The following PTPRG variants were observed in gnomAD, a reference collection of about 807,000 sequenced individuals.
The protein encoded by PTPRG is protein tyrosine phosphatase receptor type G.
Under a neutral mutation model 165.3 loss-of-function variants are expected in PTPRG, and 102 were observed. The observed-to-expected ratio is 0.62, with a 90% CI of 0.53 to 0.73. The LOEUF (loss-of-function observed/expected upper bound fraction) is 0.73, where lower values mean the gene tolerates loss of function less well. Ranked by LOEUF, PTPRG falls within the 30% of genes least tolerant of loss-of-function variation. PTPRG has a pLI of 0.00. For missense variants in PTPRG, 1,866 were observed against 1,861.4 expected (o/e 1.00, Z -0.05); for synonymous variants, 675 against 669.5 (o/e 1.01, Z -0.13).
chr3:62,227,933 T>G (rs550559415), intron 13 of PTPRG, among the ~76,000 whole-genome samples: 32 of 152,328 alleles, frequency 2.1e-4, no homozygotes, highest in African/African-American at 7.2e-4. Flanking sequence ...CCGGACAATT[T>G]AGCAATGTGT....
intron 2 of PTPRG, among the ~76,000 whole-genome samples, chr3:61,961,178 A>T (rs1259013471): frequency 6.6e-6 from 1 of 152,192 alleles, no homozygotes; most frequent in Non-Finnish European, 1.5e-5. Context: ...ACCTGGAAGG[A>T]GGGGCCAGGA....
rs1701278885 is a variant in PTPRG at position 62,245,885 on chromosome 3, G to T, written c.2467+1987G>T. Among the ~76,000 whole-genome samples the T allele has an allele frequency of 2.6e-5, 4 of 151,940 alleles. No homozygotes were observed. Among genetic ancestry groups the T allele is most frequent in the South Asian group, 4.2e-4 (2 of 4,812 alleles). On this transcript the variant is annotated intron_variant, in intron 15 of 29. Transcript: ENST00000474889. This position sits in a 1 kb window ranked among gnomAD's most constrained non-coding sequence, Gnocchi z 4.2. The stretch of plus-strand genomic sequence containing the variant: ...GCCCTACCTTGAATCACTCTTCTTT[G>T]ATATAGGCTTTAGAACTTTCAATTC...
At chr3:61,976,993 C>G (rs2040524526) in intron 2 of PTPRG, among the ~76,000 whole-genome samples, 1 of 151,992 alleles carries the variant, frequency 6.6e-6, no homozygotes, top group Non-Finnish European at 1.5e-5. Context: ...GTCTTTTTCT[C>G]CCACATAATT....
chr3:61,624,013 G>A (rs1575545651), intron 1 of PTPRG, among the ~76,000 whole-genome samples: 1 of 152,126 alleles, frequency 6.6e-6, no homozygotes, highest in South Asian at 2.1e-4. Context: ...CAGTTTACCT[G>A]AAACCCCTAA....
intron 1 of PTPRG, among the ~76,000 whole-genome samples, chr3:61,626,545 G>A (rs1278249604): frequency 1.3e-5 from 2 of 152,106 alleles, no homozygotes; most frequent in East Asian, 1.9e-4. Context: ...TGGAATATTC[G>A]AATGTGAGAC....
At chr3:61,677,699 G>C (rs1441782004) in intron 1 of PTPRG, among the ~76,000 whole-genome samples, 1 of 152,048 alleles carries the variant, frequency 6.6e-6, no homozygotes, top group African/African-American at 2.4e-5. Context: ...TTCTTACTTT[G>C]ATTTGGAACA....
intron 2 of PTPRG, among the ~76,000 whole-genome samples, chr3:61,901,302 C>G (rs2038493181): frequency 6.6e-6 from 1 of 152,292 alleles, no homozygotes; most frequent in East Asian, 1.9e-4. Flanking sequence ...TGTGTTATTG[C>G]AAACAAGGAG....
At chr3:61,680,466 T>G (rs1209250443) in intron 1 of PTPRG, among the ~76,000 whole-genome samples, 1 of 148,770 alleles carries the variant, frequency 6.7e-6, no homozygotes, top group Non-Finnish European at 1.5e-5. Context: ...CATCAGCGTT[T>G]TGAGGTTAAC....
chr3:61,939,509 T>C (rs192018890), intron 2 of PTPRG, among the ~76,000 whole-genome samples: 1 of 152,318 alleles, frequency 6.6e-6, no homozygotes, highest in East Asian at 1.9e-4. Context: ...GCTGAAGATT[T>C]TATAAGATTG....
chr3:61,742,321 G>C (rs1363855312), intron 1 of PTPRG: 1 of 599,760 alleles, frequency 1.7e-6, no homozygotes, highest in African/African-American at 1.9e-5. Flanking sequence ...GAGGCACGTA[G>C]GAAACAGTTG....
chr3:61,853,621 C>G (rs139387279), intron 2 of PTPRG, among the ~76,000 whole-genome samples: 1 of 152,188 alleles, frequency 6.6e-6, no homozygotes, highest in Non-Finnish European at 1.5e-5. Context: ...CACAGCTAAG[C>G]CATTGCTACA....
intron 2 of PTPRG, among the ~76,000 whole-genome samples, chr3:61,850,219 A>G (rs546011185): frequency 2.0e-5 from 3 of 151,804 alleles, no homozygotes; most frequent in African/African-American, 7.3e-5. Context: ...CTGGAGTGCA[A>G]TGGTGCAATC....
At chr3:61,893,702 G>GT (rs1248902118) in intron 2 of PTPRG, among the ~76,000 whole-genome samples, 4 of 152,216 alleles carry the variant, frequency 2.6e-5, no homozygotes, top group Non-Finnish European at 5.9e-5. Flanking sequence ...CTACGTCTGT[G>GT]TGTTCACCAT....
At chr3:61,768,064 A>G (rs2034089981) in intron 2 of PTPRG, among the ~76,000 whole-genome samples, 1 of 152,128 alleles carries the variant, frequency 6.6e-6, no homozygotes, top group African/African-American at 2.4e-5. Flanking sequence ...TAGGAAATAT[A>G]ATAATTAGAG....
intron 4 of PTPRG, among the ~76,000 whole-genome samples, chr3:62,038,838 G>A (rs1700033634): frequency 6.6e-6 from 1 of 152,062 alleles, no homozygotes; most frequent in African/African-American, 2.4e-5. Context: ...TACATGTGCA[G>A]GCTTGTTATA....
Position 62,267,761 on chromosome 3 carries a change from T to G in PTPRG, c.2816T>G (p.Ile939Ser). The change falls in exon 19 of 30, where the codon ATT (isoleucine) becomes AGT (serine). Residue 939 changes from isoleucine (I) to serine (S), a missense_variant. Physicochemically the swap from Ile to Ser is moderately radical, Grantham distance 142. Around this residue, in one of 3 missense-constraint regions of PTPRG, gnomAD observed 1,452 missense variants for 1,463.0 expected, o/e 0.99. Transcript: ENST00000474889. ...KSTFEDFWRM[I>S]WEQNTGIIVM... Reference sequence around the variant, plus strand: ...ACATTTGAAGATTTCTGGAGGATGATTTGGGAACAAAACACTGGAATCATT... The same window carrying G: ...ACATTTGAAGATTTCTGGAGGATGAGTTGGGAACAAAACACTGGAATCATT... The G allele has an allele frequency of 6.2e-7, 1 of 1,613,510 alleles. No homozygotes were observed.
At chr3:61,877,560 A>T (rs372836761) in intron 2 of PTPRG, among the ~76,000 whole-genome samples, 2 of 152,250 alleles carry the variant, frequency 1.3e-5, no homozygotes, top group Non-Finnish European at 1.5e-5. Context: ...TAATGCAAGC[A>T]TACTAAACAG....
At chr3:61,974,320 G>T (rs11918984) in intron 2 of PTPRG, among the ~76,000 whole-genome samples, 1 of 151,792 alleles carries the variant, frequency 6.6e-6, no homozygotes, top group Non-Finnish European at 1.5e-5. Flanking sequence ...TTGGGAGGCT[G>T]AGGTGGGCAG....
At chr3:62,201,211 T>C (rs1438014620) in intron 10 of PTPRG, among the ~76,000 whole-genome samples, 1 of 152,206 alleles carries the variant, frequency 6.6e-6, no homozygotes, top group Non-Finnish European at 1.5e-5. Context: ...GTATGTAAGC[T>C]TTTACCTCAA....
Sources: allele counts gnomAD v4.1 joint callset (sites outside exome capture counted in the v4.1 genomes callset), GRCh38; gene constraint gnomAD v4.1.1; regional missense constraint gnomAD v4.1.1; non-coding constraint Gnocchi (gnomAD v3.1); transcripts MANE v1.5; gene names NCBI Gene and HGNC (gene_info 2026-07-23, HGNC 2026-07-21).